Variants in KCNH5 observed in about 807,000 individuals in gnomAD.
KCNH5 encodes voltage-gated delayed rectifier potassium channel KCNH5.
In KCNH5, 46 loss-of-function variants were observed where a neutral mutation model predicts 96.1. The observed-to-expected ratio is 0.48, with a 90% CI of 0.38 to 0.61. KCNH5 has a LOEUF of 0.61. KCNH5 is among the 20% of genes least tolerant of loss of function. The pLI, the probability that KCNH5 is intolerant of heterozygous loss-of-function variation, is 0.00. For synonymous variants in KCNH5, 439 were observed against 449.8 expected, an observed-to-expected ratio of 0.98 and a Z score of 0.30; for missense variants, 907 against 1,225.8, an observed-to-expected ratio of 0.74 and a Z score of 3.88.
intron 8 of KCNH5, among the ~76,000 whole-genome samples, chr14:62,832,800 C>T: frequency 6.6e-6 from 1 of 152,116 alleles, no homozygotes; most frequent in Admixed American, 6.5e-5. Flanking sequence ...AATAGCCATC[C>T]TGGCAGTTGA....
chr14:63,016,823 T>TTACC lies in KCNH5; in HGVS notation c.197+4_197+7dup. On this transcript the variant is annotated splice_region_variant and intron_variant, in intron 2 of 10. Coordinates refer to ENST00000322893, the MANE Select transcript of KCNH5 (RefSeq NM_139318.5). ...CAGAAAAGATTACTTAGCTATTCTG[T>TTACC]TACCTACCTGCAAGTGCTGCTTTTC... 6.2e-7 allele frequency: 1 copy of TTACC among 1,605,458 alleles called. No homozygotes were observed.
chr14:62,851,077 G>A (rs1376169916), intron 7 of KCNH5, among the ~76,000 whole-genome samples: 2 of 152,138 alleles, frequency 1.3e-5, no homozygotes, highest in African/African-American at 2.4e-5. Flanking sequence ...TCTTCAAGAA[G>A]AGCTGTTCTC....
At chr14:62,740,597 T>C (rs28545710) in intron 10 of KCNH5, among the ~76,000 whole-genome samples, 46,006 of 152,162 alleles carry the variant, frequency 0.3, 7,708 homozygotes, top group South Asian at 0.53. Context: ...CCCAAAAGGA[T>C]AACATCCCTA....
intron 10 of KCNH5, among the ~76,000 whole-genome samples, chr14:62,754,736 A>G (rs1041793330): frequency 6.6e-6 from 1 of 151,682 alleles, no homozygotes; most frequent in African/African-American, 2.4e-5. Context: ...ATAGTCAAGC[A>G]TGGGGGTGTG....
At chr14:62,726,695 A>G (rs564055648) in intron 10 of KCNH5, among the ~76,000 whole-genome samples, 2 of 152,304 alleles carry the variant, frequency 1.3e-5, no homozygotes, top group African/African-American at 4.8e-5. Flanking sequence ...CTGCTTGATG[A>G]GTATCTACTA....
intron 7 of KCNH5, among the ~76,000 whole-genome samples, chr14:62,900,290 A>C (rs1294310528): frequency 6.6e-6 from 1 of 152,240 alleles, no homozygotes; most frequent in African/African-American, 2.4e-5. Flanking sequence ...AGAATTACAT[A>C]ATGTGAAGAA....
chr14:62,773,285 C>T lies in KCNH5; in HGVS notation c.2019+6443G>A, dbSNP rs151046203. The stretch of plus-strand genomic sequence containing the variant: ...AAAATGAAATTGGTGATATACAAGA[C>T]GCATCCTTGTTCTAGATTATTTCTC... On this transcript the variant is annotated intron_variant, in intron 10 of 10. Coordinates refer to ENST00000322893, the MANE Select transcript of KCNH5 (RefSeq NM_139318.5). 4.2e-3 allele frequency among the ~76,000 whole-genome samples: 632 copies of T among 152,282 alleles called. 3 individuals are homozygous for T. The highest frequency in any genetic ancestry group is 6.8e-3 in the Middle Eastern group (2 of 294).
In KCNH5 at chr14:63,027,203, T is replaced by C. The variant is rs571254530; in HGVS notation, c.74-10249A>G. 3.3e-5 allele frequency among the ~76,000 whole-genome samples: 5 copies of C among 151,974 alleles called. No individual in the cohort carries two copies. In the East Asian group the frequency reaches 5.8e-4, roughly 18 times the overall value. On this transcript the variant is annotated intron_variant, in intron 1 of 10. Transcript: ENST00000322893. ...TACCAAAGGCTGAAGGGTGGGGACA[T>C]TGGGGAGATGTTGGTCAAGGGACAA...
chr14:62,899,097 A>G (rs1888871516), intron 7 of KCNH5, among the ~76,000 whole-genome samples: 1 of 152,178 alleles, frequency 6.6e-6, no homozygotes, highest in Non-Finnish European at 1.5e-5. Flanking sequence ...GATTTGGACA[A>G]CACAATTCAC....
At chr14:63,003,822 G>A (rs769023672) in intron 3 of KCNH5, among the ~76,000 whole-genome samples, 23 of 150,488 alleles carry the variant, frequency 1.5e-4, no homozygotes, top group Admixed American at 1.3e-3. Context: ...GGGTTTCACC[G>A]TGTTAACCAG....
intron 7 of KCNH5, among the ~76,000 whole-genome samples, chr14:62,925,721 A>C (rs1475485374): frequency 6.6e-6 from 1 of 152,126 alleles, no homozygotes; most frequent in African/African-American, 2.4e-5. Flanking sequence ...AGTCTGGATC[A>C]TAAGACCACA....
intron 8 of KCNH5, among the ~76,000 whole-genome samples, chr14:62,809,788 T>C (rs944725863): frequency 1.3e-5 from 2 of 152,134 alleles, no homozygotes; most frequent in African/African-American, 2.4e-5. Flanking sequence ...TCAAGAACTA[T>C]GGTACACGTA....
At chr14:62,852,647 GTA>G (rs143423498) in intron 7 of KCNH5, among the ~76,000 whole-genome samples, 537 of 151,408 alleles carry the variant, frequency 3.5e-3, no homozygotes, top group African/African-American at 0.012. Context: ...TTTCTTCGGT[GTA>G]TAGTTTTATA....
intron 8 of KCNH5, among the ~76,000 whole-genome samples, chr14:62,839,230 A>C (rs995145562): frequency 3.3e-5 from 5 of 152,186 alleles, no homozygotes; most frequent in Non-Finnish European, 5.9e-5. Flanking sequence ...GAGTGACATC[A>C]TATTTTCTTT....
chr14:62,782,433 C>T (rs141948196), intron 9 of KCNH5, among the ~76,000 whole-genome samples: 1 of 152,174 alleles, frequency 6.6e-6, no homozygotes, highest in East Asian at 1.9e-4. Flanking sequence ...CTGGACCCTC[C>T]AAAAATTCCT....
chr14:63,020,717 G>A (rs996835719), intron 1 of KCNH5, among the ~76,000 whole-genome samples: 27 of 152,138 alleles, frequency 1.8e-4, no homozygotes, highest in African/African-American at 5.8e-4. Context: ...AGAGGTATAC[G>A]TTACACAGGT....
At chr14:62,739,047 G>T (rs1480657588) in intron 10 of KCNH5, among the ~76,000 whole-genome samples, 1 of 152,122 alleles carries the variant, frequency 6.6e-6, no homozygotes, top group Non-Finnish European at 1.5e-5. Flanking sequence ...AAGGGTTCAA[G>T]AAGAACTTAG....
At chr14:62,986,759 A>G (rs1199790518) in intron 5 of KCNH5, among the ~76,000 whole-genome samples, 2 of 152,180 alleles carry the variant, frequency 1.3e-5, no homozygotes, top group Admixed American at 6.6e-5. Flanking sequence ...AGTGCCAAGC[A>G]CAGAGCATAC....
chr14:62,996,349 T>C (rs780081693), intron 4 of KCNH5, among the ~76,000 whole-genome samples: 15 of 152,196 alleles, frequency 9.9e-5, no homozygotes, highest in South Asian at 2.1e-4. Flanking sequence ...GTTTGGAAGA[T>C]ACAGAGAAGT....
Sources: gnomAD v4.1 joint callset for allele counts (sites outside exome capture counted in the v4.1 genomes callset) on GRCh38, gnomAD v4.1.1 for gene constraint, MANE v1.5 for transcripts, NCBI Gene and HGNC (gene_info 2026-07-23, HGNC 2026-07-21) for gene names.